PIAS2: variants seen among roughly 807,000 people sequenced by gnomAD.
PIAS2 encodes the protein protein inhibitor of activated STAT 2.
PIAS2 carries 19 observed loss-of-function variants against 69.7 expected under a neutral mutation model. The ratio of observed to expected loss-of-function variants is 0.27; its 90% CI spans 0.19 to 0.40. PIAS2 has a LOEUF of 0.40. Among genes scored for constraint, PIAS2 ranks in the 10% least tolerant of loss-of-function variants. The pLI is 1.00. For synonymous variants in PIAS2, 261 were observed against 263.2 expected, an observed-to-expected ratio of 0.99 and a Z score of 0.08; for missense variants, 624 against 757.0, an observed-to-expected ratio of 0.82 and a Z score of 2.06.
rs146442641 is a variant in PIAS2, at chr18:46,821,089, G to T, written c.1509-17C>A. The T allele has an allele frequency of 1.4e-5, 22 of 1,611,928 alleles. No homozygotes were observed. The highest frequency in any genetic ancestry group is 1.8e-5 in the Non-Finnish European group (21 of 1,178,902). ...ATGAGAACCCTGTTTTAAATAGCAC[G>T]GGAAATTACAAACAATCTGGCTGTT... is the stretch of plus-strand genomic sequence containing the variant. On this transcript the variant is annotated splice_polypyrimidine_tract_variant and intron_variant, in intron 11 of 13. Transcript: ENST00000585916.
chr18:46,828,203 T>C, intron 10 of PIAS2, 73 bp from the exon 11 acceptor site: 2 of 1,300,824 alleles, frequency 1.5e-6, no homozygotes, highest in South Asian at 1.6e-5. Flanking sequence ...TAGAGTCTAG[T>C]ATATTCAGTA....
At chr18:46,916,429 G>T (rs1278276855) in intron 1 of PIAS2, among the ~76,000 whole-genome samples, 1 of 151,176 alleles carries the variant, frequency 6.6e-6, no homozygotes, top group Non-Finnish European at 1.5e-5. Context: ...CAGGGTTTCT[G>T]TCCGTAAACA....
intron 1 of PIAS2, chr18:46,893,581 TATGA>T (rs904070689): frequency 2.7e-4 from 71 of 264,874 alleles, no homozygotes; most frequent in Middle Eastern, 3.9e-3. Flanking sequence ...GAGCTTAGAC[TATGA>T]ATGCGGAATC....
At chr18:46,828,264 T>C (rs943580406) in intron 10 of PIAS2, 134 bp from the exon 11 acceptor site, 9 of 681,792 alleles carry the variant, frequency 1.3e-5, no homozygotes, top group Admixed American at 9.5e-5. Context: ...CTCCAACCCA[T>C]GGACAAATAC....
intron 1 of PIAS2, chr18:46,903,773 T>C (rs1469444335): frequency 5.9e-5 from 9 of 152,232 alleles, no homozygotes. Flanking sequence ...CAAATCTTTA[T>C]AGCATTTTTA....
At chr18:46,889,541 C>G (rs2053734300) in intron 2 of PIAS2, among the ~76,000 whole-genome samples, 1 of 152,024 alleles carries the variant, frequency 6.6e-6, no homozygotes, top group Non-Finnish European at 1.5e-5. Flanking sequence ...CACCTGACAC[C>G]CATTATAATG....
intron 1 of PIAS2, chr18:46,903,738 TAA>T (rs1457044104): frequency 1.3e-5 from 2 of 152,166 alleles, no homozygotes; most frequent in East Asian, 3.8e-4. Context: ...GATGTGTGCG[TAA>T]GTTTACCAAA....
At chr18:46,824,908 G>A (rs1055252689) in intron 11 of PIAS2, among the ~76,000 whole-genome samples, 5 of 151,054 alleles carry the variant, frequency 3.3e-5, no homozygotes, top group Admixed American at 2.6e-4. Context: ...GCTGAGGCAG[G>A]AGGATCGCTT....
chr18:46,845,727 T>G (rs2046077530), intron 6 of PIAS2, among the ~76,000 whole-genome samples: 1 of 152,128 alleles, frequency 6.6e-6, no homozygotes, highest in African/African-American at 2.4e-5. Flanking sequence ...AAACCAAGTA[T>G]TTTAAATATT....
At chr18:46,860,345 T>A (rs113946841) in intron 3 of PIAS2, among the ~76,000 whole-genome samples, 6 of 152,214 alleles carry the variant, frequency 3.9e-5, no homozygotes, top group South Asian at 2.1e-4. Context: ...GAATCCAGAA[T>A]GTACAATATG....
rs1291328230 is a variant in PIAS2 at position 46,811,388 on chromosome 18, A to C, written c.*1045T>G. 6.6e-6 allele frequency: 1 copy of C among 152,188 alleles called. No homozygotes were observed. The highest frequency in any genetic ancestry group is 1.5e-5 in the Non-Finnish European group (1 of 68,038). The allele number at this position is 152,188 out of a possible 1,614,324, so 9.4% of individuals were successfully genotyped here. On this transcript the variant is annotated 3_prime_UTR_variant, in exon 14 of 14. Transcript: ENST00000585916. ...TAAAACACATTTTCTATGTAGTGCT[A>C]CCAAAATACAAAGTTTCATCAAATA...
At chr18:46,917,577 GC>G (rs1162007046), upstream of PIAS2, 2 of 1,076,502 alleles carry the variant, frequency 1.9e-6, no homozygotes, top group Non-Finnish European at 2.3e-6. Flanking sequence ...GCCCACCCGC[GC>G]GACCGCCTTC....
At chr18:46,904,479 G>A (rs913623351) in intron 1 of PIAS2, among the ~76,000 whole-genome samples, 4 of 152,206 alleles carry the variant, frequency 2.6e-5, no homozygotes, top group Admixed American at 6.5e-5. Context: ...GGCCGGGTGC[G>A]GTGGCTCAGG....
chr18:46,917,610 C>A, upstream of PIAS2: 1 of 984,074 alleles, frequency 1.0e-6, no homozygotes, highest in Middle Eastern at 4.9e-4. Context: ...TCAGTCCGCG[C>A]GGCGACAGCG....
At chr18:46,836,824 C>T (rs2044506193) in intron 8 of PIAS2, among the ~76,000 whole-genome samples, 1 of 152,118 alleles carries the variant, frequency 6.6e-6, no homozygotes, top group Non-Finnish European at 1.5e-5. Flanking sequence ...CCACTGTTAT[C>T]CATCTCTTGC....
intron 9 of PIAS2, among the ~76,000 whole-genome samples, chr18:46,834,945 C>CGTA (rs1323384636): frequency 2.0e-5 from 3 of 152,200 alleles, no homozygotes; most frequent in African/African-American, 7.2e-5. Flanking sequence ...GTCTTACATT[C>CGTA]CCTTTGAGTA....
intron 3 of PIAS2, among the ~76,000 whole-genome samples, chr18:46,862,648 C>CACATAT (rs1568584001): frequency 2.3e-4 from 35 of 151,782 alleles, no homozygotes; most frequent in Non-Finnish European, 4.0e-4. Context: ...TATATATACA[C>CACATAT]ATATATACAC....
intron 3 of PIAS2, among the ~76,000 whole-genome samples, chr18:46,861,347 A>G (rs2048635181): frequency 6.6e-6 from 1 of 152,240 alleles, no homozygotes; most frequent in Non-Finnish European, 1.5e-5. Flanking sequence ...AGGACAACAG[A>G]ACACAAGAAT....
Position 46,803,305 on chromosome 18 carries a change from A to G in PIAS2, c.*9128T>C, listed in dbSNP as rs568153763. ...ATAAAATATGGTGGTATTTTAAATGAAAGTTTTTTAAAAAATGGATACTTA... is the reference window on the plus strand; with the variant it reads ...ATAAAATATGGTGGTATTTTAAATGGAAGTTTTTTAAAAAATGGATACTTA... On this transcript the variant is annotated 3_prime_UTR_variant, in exon 14 of 14. Transcript: ENST00000585916. 5.5e-4 allele frequency: 84 copies of G among 152,278 alleles called. No individual in the cohort carries two copies. The highest frequency in any genetic ancestry group is 2.0e-3 in the African/African-American group (82 of 41,556). 9.4% of individuals were successfully genotyped at this position (152,278 alleles called of 1,614,324 possible).
Sources: gnomAD v4.1 joint callset for allele counts (sites outside exome capture counted in the v4.1 genomes callset) on GRCh38, gnomAD v4.1.1 for gene constraint, MANE v1.5 for transcripts, NCBI Gene and HGNC (gene_info 2026-07-23, HGNC 2026-07-21) for gene names.